The following LMX1A variants were observed in gnomAD, a reference collection of about 807,000 sequenced individuals.
LMX1A encodes LIM homeobox transcription factor 1 alpha.
In LMX1A, 15 loss-of-function variants were observed where a neutral mutation model predicts 49.1. The observed-to-expected ratio is 0.31, with a 90% CI of 0.20 to 0.47. LMX1A has a LOEUF of 0.47. Among genes scored for constraint, LMX1A ranks in the 20% least tolerant of loss-of-function variants. The pLI is 1.00. For missense variants in LMX1A, 372 were observed against 475.8 expected (o/e 0.78, Z 2.03); for synonymous variants, 167 against 185.7 (o/e 0.90, Z 0.82).
intron 3 of LMX1A, among the ~76,000 whole-genome samples, chr1:165,298,255 G>A (rs1654672709): frequency 6.6e-6 from 1 of 152,204 alleles, no homozygotes; most frequent in Non-Finnish European, 1.5e-5. Flanking sequence ...GATGAGAGCT[G>A]ATTTACTGCC....
intron 4 of LMX1A, among the ~76,000 whole-genome samples, chr1:165,232,285 G>A (rs1262887676): frequency 6.6e-6 from 1 of 152,180 alleles, no homozygotes; most frequent in Non-Finnish European, 1.5e-5. Flanking sequence ...GTCTGGGCTT[G>A]GAGACCCAGA....
At chr1:165,304,045 G>A (rs1029062425) in intron 3 of LMX1A, among the ~76,000 whole-genome samples, 2 of 151,874 alleles carry the variant, frequency 1.3e-5, no homozygotes, top group Non-Finnish European at 2.9e-5. Flanking sequence ...ATTACACATT[G>A]GTTTAATCCT....
chr1:165,271,822 G>T (rs1334507367), intron 3 of LMX1A, among the ~76,000 whole-genome samples: 1 of 152,128 alleles, frequency 6.6e-6, no homozygotes, highest in Non-Finnish European at 1.5e-5. Context: ...TGGTGGACAG[G>T]ACAGAGCCAT....
chr1:165,285,170 A>C (rs1654270086), intron 3 of LMX1A, among the ~76,000 whole-genome samples: 1 of 152,218 alleles, frequency 6.6e-6, no homozygotes, highest in Non-Finnish European at 1.5e-5. Context: ...CCAGTGAAGA[A>C]AATAAAATAA....
At chr1:165,341,054 T>G (rs556043541) in intron 3 of LMX1A, among the ~76,000 whole-genome samples, 92 of 152,214 alleles carry the variant, frequency 6.0e-4, no homozygotes, top group South Asian at 2.3e-3. Context: ...GTGCCCCAGT[T>G]TGCCACCAGA....
chr1:165,330,202 G>A (rs1325480673), intron 3 of LMX1A, among the ~76,000 whole-genome samples: 3 of 152,212 alleles, frequency 2.0e-5, no homozygotes, highest in African/African-American at 4.8e-5. Flanking sequence ...AGTCAGGCAC[G>A]GTGGCTCATG....
At position 165,213,756 on chromosome 1, in the gene LMX1A, G is replaced by A. The variant is rs1651526573; in HGVS notation, c.554C>T (p.Thr185Ile). Reference sequence around the variant, plus strand: ...CTTATGGTCCTTGCCTTCCTCAGCAGTTCCTTTCCCTGCCCCATGGGCTGA... The same window carrying A: ...CTTATGGTCCTTGCCTTCCTCAGCAATTCCTTTCCCTGCCCCATGGGCTGA... ...CKSAHGAGKG[T>I]AEEGKDHKRP... is the part of the protein sequence containing the mutation. Residue 185 changes from threonine to isoleucine, a missense_variant, in exon 5 of 9, where the codon ACT becomes ATT. Thr to Ile is a moderately conservative substitution (Grantham distance 89). This residue lies in a region of LMX1A where 199 missense variants were observed against 244.0 expected (regional missense o/e 0.82). Transcript: ENST00000342310. The A allele has an allele frequency of 6.2e-7, 1 of 1,614,070 alleles. No individual in the cohort carries two copies. The highest frequency in any genetic ancestry group is 1.7e-5 in the Admixed American group (1 of 60,008).
At position 165,238,014 on chromosome 1, in the gene LMX1A, C is replaced by T. The variant is rs113895748; in HGVS notation, c.496+11394G>A. Among the ~76,000 whole-genome samples the T allele has an allele frequency of 5.2e-3, 798 of 152,294 alleles. 12 individuals are homozygous for T. Among genetic ancestry groups the T allele is most frequent in the African/African-American group, 0.018 (767 of 41,560 alleles). On this transcript the variant is annotated intron_variant, in intron 4 of 8. Coordinates refer to ENST00000342310, the MANE Select transcript of LMX1A (RefSeq NM_177398.4). Reference sequence around the variant, plus strand: ...GAAAGACTGAAGTCATGGGTTGGCTCTGCATGTCCAGAGAATGCAATCCTA... The same window carrying T: ...GAAAGACTGAAGTCATGGGTTGGCTTTGCATGTCCAGAGAATGCAATCCTA...
chr1:165,299,913 C>G (rs1654728775), intron 3 of LMX1A, among the ~76,000 whole-genome samples: 1 of 152,140 alleles, frequency 6.6e-6, no homozygotes. Context: ...TCCCCCAAGA[C>G]AGGGAAATTT....
chr1:165,203,727 T>G lies in LMX1A; in HGVS notation c.*153A>C, dbSNP rs1207333469. The G allele has an allele frequency of 1.7e-6, 1 of 596,146 alleles. No individual in the cohort carries two copies. Among genetic ancestry groups the G allele is most frequent in the African/African-American group, 1.8e-5 (1 of 54,382 alleles). 36.9% of individuals were successfully genotyped at this position (596,146 alleles called of 1,614,324 possible). ...TAATGTATTCAGTCTTTGGAAATGC[T>G]GAGCTACACCATATCATTATACAAC... On this transcript the variant is annotated 3_prime_UTR_variant, in exon 9 of 9. Coordinates refer to ENST00000342310, the MANE Select transcript of LMX1A (RefSeq NM_177398.4).
At chr1:165,251,536 G>A (rs563424775) in intron 3 of LMX1A, among the ~76,000 whole-genome samples, 1 of 152,126 alleles carries the variant, frequency 6.6e-6, no homozygotes, top group African/African-American at 2.4e-5. Flanking sequence ...CAGAAAGAAG[G>A]GGGCAGAGCC....
chr1:165,255,148 A>G (rs961147292), intron 3 of LMX1A, among the ~76,000 whole-genome samples: 1 of 152,136 alleles, frequency 6.6e-6, no homozygotes, highest in Non-Finnish European at 1.5e-5. Context: ...TAAATAAATG[A>G]CCTCAGTAGG....
At chr1:165,276,253 T>C (rs1156686199) in intron 3 of LMX1A, among the ~76,000 whole-genome samples, 3 of 152,202 alleles carry the variant, frequency 2.0e-5, no homozygotes, top group Admixed American at 6.5e-5. Flanking sequence ...AATTGATTGA[T>C]AGAGAGGTCT....
intron 4 of LMX1A, among the ~76,000 whole-genome samples, chr1:165,233,349 G>A (rs1652305045): frequency 6.6e-6 from 1 of 152,206 alleles, no homozygotes. Context: ...CAGTTATTCA[G>A]GAGTATGAGG....
intron 3 of LMX1A, among the ~76,000 whole-genome samples, chr1:165,273,958 C>T (rs1653885303): frequency 6.6e-6 from 1 of 152,228 alleles, no homozygotes; most frequent in Non-Finnish European, 1.5e-5. Flanking sequence ...CCCTTACATA[C>T]CCAAGACGTT....
intron 3 of LMX1A, among the ~76,000 whole-genome samples, chr1:165,265,923 A>C (rs1304246798): frequency 6.6e-6 from 1 of 152,184 alleles, no homozygotes; most frequent in East Asian, 1.9e-4. Context: ...AAGACACACA[A>C]GGATCCTTAT....
At chr1:165,298,647 G>C (rs529323000) in intron 3 of LMX1A, among the ~76,000 whole-genome samples, 1 of 152,216 alleles carries the variant, frequency 6.6e-6, no homozygotes, top group East Asian at 1.9e-4. Context: ...AAAAGAAACC[G>C]AGGTGGCATT....
intron 6 of LMX1A, among the ~76,000 whole-genome samples, chr1:165,209,096 A>T (rs1651246700): frequency 6.6e-6 from 1 of 152,072 alleles, no homozygotes; most frequent in Non-Finnish European, 1.5e-5. Flanking sequence ...TTATTGCAAG[A>T]TTTTTCAGAG....
intron 4 of LMX1A, among the ~76,000 whole-genome samples, chr1:165,236,331 A>G (rs1652439862): frequency 6.6e-6 from 1 of 152,018 alleles, no homozygotes; most frequent in Non-Finnish European, 1.5e-5. Context: ...TTTCCCTATC[A>G]TAAATCAATC....
Sources: gnomAD v4.1 joint callset for allele counts (sites outside exome capture counted in the v4.1 genomes callset) on GRCh38, gnomAD v4.1.1 for gene constraint, gnomAD v4.1.1 regional missense constraint, MANE v1.5 for transcripts, NCBI Gene and HGNC (gene_info 2026-07-23, HGNC 2026-07-21) for gene names.